Variants in GPC6 observed in about 807,000 individuals in gnomAD.
GPC6 encodes glypican 6, also known as glypican-6.
Under a neutral mutation model 55.2 loss-of-function variants are expected in GPC6, and 14 were observed. The observed-to-expected ratio is 0.25, with a 90% CI of 0.17 to 0.40. The LOEUF is 0.40. GPC6 is among the 10% of genes least tolerant of loss of function. The pLI, the probability that GPC6 is intolerant of heterozygous loss-of-function variation, is 1.00. For synonymous variants in GPC6, 278 were observed against 259.6 expected (o/e 1.07, Z -0.68); for missense variants, 641 against 708.5 (o/e 0.90, Z 1.08).
intron 4 of GPC6, among the ~76,000 whole-genome samples, chr13:94,222,541 A>G (rs1215456314): frequency 6.6e-6 from 1 of 152,032 alleles, no homozygotes; most frequent in Non-Finnish European, 1.5e-5. Context: ...TGCATTGATG[A>G]CTCAAGACTA....
intron 4 of GPC6, among the ~76,000 whole-genome samples, chr13:94,038,648 C>T (rs991993879): frequency 1.1e-4 from 16 of 151,846 alleles, no homozygotes; most frequent in African/African-American, 3.9e-4. Flanking sequence ...TACCTCTTAG[C>T]ATTGTGAGGA....
Position 93,293,106 on chromosome 13 carries a change from C to G in GPC6, c.160+65490C>G, listed in dbSNP as rs573357752. On this transcript the variant is annotated intron_variant, in intron 1 of 8. Transcript: ENST00000377047. ...CAAGCCATCCTCCCACCTCCATCTCCCAAGTAGCTGGAACTACAGGCACAC... is the reference window on the plus strand; with the variant it reads ...CAAGCCATCCTCCCACCTCCATCTCGCAAGTAGCTGGAACTACAGGCACAC... Among the ~76,000 whole-genome samples the G allele has an allele frequency of 1.2e-3, 179 of 151,156 alleles. 1 individual carries two copies. Among genetic ancestry groups the G allele is most frequent in the African/African-American group, 4.3e-3 (175 of 40,592 alleles).
intron 4 of GPC6, among the ~76,000 whole-genome samples, chr13:94,130,693 TC>T (rs1477512320): frequency 6.6e-6 from 1 of 152,142 alleles, no homozygotes; most frequent in Non-Finnish European, 1.5e-5. Flanking sequence ...TGCAAGACTC[TC>T]TGACAGTTCT....
At chr13:94,354,039 C>G (rs960648568) in intron 6 of GPC6, among the ~76,000 whole-genome samples, 4 of 152,238 alleles carry the variant, frequency 2.6e-5, no homozygotes. Context: ...AATTTGCACC[C>G]ATGGCTACAT....
chr13:93,268,923 G>A (rs574891999), intron 1 of GPC6, among the ~76,000 whole-genome samples: 2 of 152,168 alleles, frequency 1.3e-5, no homozygotes, highest in East Asian at 3.9e-4. Flanking sequence ...CAAGCCTCCT[G>A]TTCTCTAGGA....
intron 1 of GPC6, among the ~76,000 whole-genome samples, chr13:93,307,994 GGTGGCTCAGGCCGGGCA>G (rs1878928796): frequency 6.6e-6 from 1 of 152,088 alleles, no homozygotes; most frequent in Non-Finnish European, 1.5e-5. Context: ...GGCCGGGCAT[GGTGGCTCAGGCCGGGCA>G]CGGTGGCTCA....
intron 3 of GPC6, among the ~76,000 whole-genome samples, chr13:93,853,201 G>A (rs1888471435): frequency 6.6e-6 from 1 of 151,632 alleles, no homozygotes; most frequent in Non-Finnish European, 1.5e-5. Context: ...GGCTCCAGGA[G>A]TATAATTCAA....
At position 93,645,063 on chromosome 13, in the gene GPC6, T is replaced by A. The variant is rs533539839; in HGVS notation, c.319+99642T>A. Reference sequence around the variant, plus strand: ...GAACTGGAAAAGTCAGAGGGAGGAGTGGAGAAAGAGGATAAGAATCAGGGG... The same window carrying A: ...GAACTGGAAAAGTCAGAGGGAGGAGAGGAGAAAGAGGATAAGAATCAGGGG... On this transcript the variant is annotated intron_variant, in intron 2 of 8. Coordinates refer to ENST00000377047, the MANE Select transcript of GPC6 (RefSeq NM_005708.5). 6.0e-5 allele frequency among the ~76,000 whole-genome samples: 9 copies of A among 150,430 alleles called. No homozygotes were observed. In the South Asian group the frequency reaches 1.7e-3, roughly 28 times the overall value.
chr13:94,227,658 A>G (rs1890598975), intron 4 of GPC6, among the ~76,000 whole-genome samples: 1 of 152,150 alleles, frequency 6.6e-6, no homozygotes, highest in Non-Finnish European at 1.5e-5. Context: ...TTCAGTCTGG[A>G]TAGGCTAGGT....
intron 4 of GPC6, among the ~76,000 whole-genome samples, chr13:94,066,614 T>G (rs145932336): frequency 4.7e-4 from 72 of 152,304 alleles, no homozygotes; most frequent in African/African-American, 1.5e-3. Context: ...AAGTCAGTTC[T>G]CCATGCTCTA....
intron 3 of GPC6, among the ~76,000 whole-genome samples, chr13:93,831,792 G>A (rs947927450): frequency 6.6e-6 from 1 of 151,646 alleles, no homozygotes; most frequent in Non-Finnish European, 1.5e-5. Context: ...TGATTCTAAT[G>A]TTTAAAATAA....
intron 4 of GPC6, among the ~76,000 whole-genome samples, chr13:94,033,182 C>G (rs1883204038): frequency 6.6e-6 from 1 of 152,150 alleles, no homozygotes; most frequent in Admixed American, 6.5e-5. Flanking sequence ...ATAACTAATT[C>G]AGTAATTTAA....
chr13:93,346,208 C>A (rs1009436079), intron 1 of GPC6, among the ~76,000 whole-genome samples: 1 of 151,982 alleles, frequency 6.6e-6, no homozygotes, highest in Non-Finnish European at 1.5e-5. Flanking sequence ...ATGAAACACA[C>A]CAAATTTGAC....
At chr13:93,318,458 A>G (rs144941336) in intron 1 of GPC6, among the ~76,000 whole-genome samples, 29 of 152,066 alleles carry the variant, frequency 1.9e-4, no homozygotes, top group Non-Finnish European at 3.1e-4. Flanking sequence ...GAATATTGAG[A>G]CTCCAGTTCA....
At chr13:94,189,730 A>G (rs1362868880) in intron 4 of GPC6, among the ~76,000 whole-genome samples, 1 of 152,220 alleles carries the variant, frequency 6.6e-6, no homozygotes, top group Admixed American at 6.5e-5. Flanking sequence ...TCTCATTAAA[A>G]TGTATGCAGA....
intron 6 of GPC6, among the ~76,000 whole-genome samples, chr13:94,328,877 G>A (rs535014239): frequency 6.6e-6 from 1 of 152,266 alleles, no homozygotes; most frequent in African/African-American, 2.4e-5. Context: ...TTTGCTCATC[G>A]TTAAAACCAG....
rs116535690 is a variant in GPC6 at position 93,733,598 on chromosome 13, G to A, written c.320-96556G>A. Among the ~76,000 whole-genome samples the A allele has an allele frequency of 2.9e-3, 446 of 151,866 alleles. 2 individuals carry two copies. The highest frequency in any genetic ancestry group is 9.8e-3 in the African/African-American group (407 of 41,510). ...TTATGTAAAAAAAAAAATCTGAGAA[G>A]TCAAGGATCTTAGCTGTCCTTGAAG... On this transcript the variant is annotated intron_variant, in intron 2 of 8. Coordinates refer to ENST00000377047, the MANE Select transcript of GPC6 (RefSeq NM_005708.5).
At chr13:93,568,137 C>T (rs141034710) in intron 2 of GPC6, among the ~76,000 whole-genome samples, 17 of 152,134 alleles carry the variant, frequency 1.1e-4, no homozygotes, top group African/African-American at 3.9e-4. Context: ...GATGCATCTT[C>T]TAAACTTTGA....
chr13:93,745,896 G>A (rs1047159963), intron 2 of GPC6, among the ~76,000 whole-genome samples: 1 of 152,200 alleles, frequency 6.6e-6, no homozygotes, highest in Non-Finnish European at 1.5e-5. Flanking sequence ...GCCATCACAT[G>A]TGAGTTAGGA....
Sources: gnomAD v4.1 joint callset for allele counts (sites outside exome capture counted in the v4.1 genomes callset) on GRCh38, gnomAD v4.1.1 for gene constraint, MANE v1.5 for transcripts, NCBI Gene and HGNC (gene_info 2026-07-23, HGNC 2026-07-21) for gene names.